The following MRC1 variants were observed in gnomAD, a reference collection of about 807,000 sequenced individuals.
MRC1 encodes mannose receptor C-type 1, also known as macrophage mannose receptor 1.
A neutral mutation model predicts 102.9 loss-of-function variants in MRC1; 62 were observed. The ratio of observed to expected loss-of-function variants is 0.60; its 90% CI spans 0.49 to 0.74. The LOEUF (loss-of-function observed/expected upper bound fraction) is 0.74, where lower values mean the gene tolerates loss of function less well. MRC1 is among the 30% of genes least tolerant of loss of function. The probability of loss-of-function intolerance (pLI) is 0.00; values close to 1 mark genes in which losing one functional copy is unlikely to be tolerated. For synonymous variants in MRC1, 457 were observed against 298.4 expected (o/e 1.53, Z -5.48); for missense variants, 1,237 against 862.8 (o/e 1.43, Z -5.43).
intron 1 of MRC1, among the ~76,000 whole-genome samples, chr10:17,818,091 G>A (rs967528296): frequency 3.3e-5 from 5 of 152,200 alleles, no homozygotes; most frequent in Admixed American, 1.3e-4. Flanking sequence ...ATAGATAAGT[G>A]TGTATTGAAA....
Position 17,845,328 on chromosome 10 carries a change from T to A in MRC1, c.956T>A (p.Leu319Gln), listed in dbSNP as rs1838810011. 2 of 780,726 alleles carry A rather than the reference T, an allele frequency of 2.6e-6. No homozygotes were observed. Among genetic ancestry groups the A allele is most frequent in the African/African-American group, 1.7e-5 (1 of 59,122 alleles). The allele number at this position is 780,726 out of a possible 1,614,324, so 48.4% of individuals were successfully genotyped here. The stretch of plus-strand genomic sequence containing the variant: ...GAACCTGGAAAAAGCTGTGTGTCAC[T>A]AAATCCTGGAAAAAATGCTAAATGG... ...SAEPGKSCVS[L>Q]NPGKNAKWEN... Residue 319 changes from leucine (L) to glutamine (Q), a missense_variant, in exon 6 of 30, where the codon CTA (leucine) becomes CAA (glutamine). Transcript: ENST00000569591.
intron 6 of MRC1, among the ~76,000 whole-genome samples, chr10:17,847,588 C>A (rs1838844506): frequency 6.6e-6 from 1 of 152,178 alleles, no homozygotes; most frequent in Non-Finnish European, 1.5e-5. Flanking sequence ...AACCTCAAAC[C>A]CTGTGAATTA....
At chr10:17,833,401 G>T (rs1395854551) in intron 3 of MRC1, among the ~76,000 whole-genome samples, 1 of 151,716 alleles carries the variant, frequency 6.6e-6, no homozygotes, top group Non-Finnish European at 1.5e-5. Flanking sequence ...CATGCCTGGA[G>T]TCCCAGCTAC....
At chr10:17,859,052 A>G (rs1411065020) in intron 9 of MRC1, among the ~76,000 whole-genome samples, 2 of 152,126 alleles carry the variant, frequency 1.3e-5, no homozygotes, top group Non-Finnish European at 2.9e-5. Flanking sequence ...CCAATTGACT[A>G]ATTTCCTATG....
chr10:17,840,638 T>C lies in MRC1; in HGVS notation c.803-55T>C, dbSNP rs1013950968. On this transcript the variant is annotated intron_variant, in intron 4 of 29. Transcript: ENST00000569591. ...ACTTAGTTCTGAATTTAATTTCAAC[T>C]GTTTTCTGAATGCCAAGTTCTTGTT... is the stretch of plus-strand genomic sequence containing the variant. 3.5e-4 allele frequency: 273 copies of C among 777,126 alleles called. 1 individual carries two copies. In the African/African-American group the frequency reaches 3.9e-3, roughly 11 times the overall value. The allele number at this position is 777,126 out of a possible 1,614,324, so 48.1% of individuals were successfully genotyped here.
intron 17 of MRC1, 98 bp downstream of exon 17, chr10:17,875,351 T>A: frequency 2.7e-6 from 2 of 749,450 alleles, no homozygotes; most frequent in Non-Finnish European, 4.9e-6. Context: ...TTTCTGAGAT[T>A]TTGGTACACC....
chr10:17,853,345 T>C (rs1219547163), intron 8 of MRC1, among the ~76,000 whole-genome samples: 1 of 152,130 alleles, frequency 6.6e-6, no homozygotes, highest in Non-Finnish European at 1.5e-5. Context: ...ACAGAAACTT[T>C]TGGGTCAAGG....
intron 1 of MRC1, among the ~76,000 whole-genome samples, chr10:17,811,154 A>C (rs1838215127): frequency 2.0e-5 from 3 of 152,204 alleles, no homozygotes; most frequent in Non-Finnish European, 4.4e-5. Context: ...CTCAACATTT[A>C]ATCGATTTGG....
chr10:17,838,531 C>T (rs1427936696), intron 4 of MRC1, among the ~76,000 whole-genome samples: 4 of 147,270 alleles, frequency 2.7e-5, no homozygotes, highest in Non-Finnish European at 4.4e-5. Context: ...TTTGGTACTG[C>T]CTGAAAAACA....
chr10:17,891,368 G>C (rs920446784), intron 22 of MRC1, among the ~76,000 whole-genome samples: 3 of 151,860 alleles, frequency 2.0e-5, no homozygotes, highest in South Asian at 2.1e-4. Context: ...GGGTTTCACT[G>C]TGTTAGGCAG....
intron 12 of MRC1, among the ~76,000 whole-genome samples, chr10:17,868,852 A>G (rs995328563): frequency 2.6e-5 from 4 of 152,226 alleles, no homozygotes; most frequent in Admixed American, 2.6e-4. Flanking sequence ...ATAGAAGGCG[A>G]TGTATTGGGC....
Position 17,877,962 on chromosome 10 carries a change from G to A in MRC1, c.2613G>A (p.Lys871=). ...GTTTATTGATCAGCTTGGATAAAAA[G>A]TTTGCGTAAGTAAATCAAGCTAAAA... The part of the protein sequence containing the change: ...FIGLLISLDK[K]FAWMDGSKVD... Residue 871 remains lysine (K), a synonymous_variant, in exon 18 of 30, where the codon AAG becomes AAA. Coordinates refer to ENST00000569591, the MANE Select transcript of MRC1 (RefSeq NM_002438.4). The A allele has an allele frequency of 1.1e-6, 1 of 872,144 alleles. No homozygotes were observed. Among genetic ancestry groups the A allele is most frequent in the South Asian group, 1.3e-5 (1 of 76,522 alleles). The allele number at this position is 872,144 out of a possible 1,614,324, so 54.0% of individuals were successfully genotyped here. A position where few individuals can be genotyped will look rare whatever the true frequency, so the allele number is the denominator to read the frequency against.
At chr10:17,871,563 T>C (rs1425058153) in intron 14 of MRC1, among the ~76,000 whole-genome samples, 1 of 152,216 alleles carries the variant, frequency 6.6e-6, no homozygotes, top group Non-Finnish European at 1.5e-5. Flanking sequence ...ATAAATTGTA[T>C]TGCTTTATCC....
intron 8 of MRC1, chr10:17,854,683 T>TTTTA (rs1484966407): frequency 7.6e-5 from 16 of 211,132 alleles, no homozygotes; most frequent in East Asian, 1.7e-4. Context: ...ACAGAAAACA[T>TTTTA]TTTATTTATT....
At chr10:17,881,889 G>A (rs1262937138) in intron 21 of MRC1, among the ~76,000 whole-genome samples, 1 of 105,332 alleles carries the variant, frequency 9.5e-6, no homozygotes, top group Non-Finnish European at 1.7e-5. Flanking sequence ...TCACTATGTT[G>A]CCCAGGCTGG....
rs908957552 is a variant in MRC1, at chr10:17,855,495, T to C, written c.1408-747T>C. 1.4e-3 allele frequency among the ~76,000 whole-genome samples: 177 copies of C among 127,682 alleles called. 2 individuals are homozygous for C. Among genetic ancestry groups the C allele is most frequent in the African/African-American group, 4.7e-3 (164 of 34,606 alleles). The allele number at this position is 127,682 out of a possible 152,430, so 83.8% of individuals were successfully genotyped here. ...CTGAGGCAGGAAAATGGTGTGAACCTGGGAGGTGGAGCTTGCAGTGAGCCA... is the reference window on the plus strand; with the variant it reads ...CTGAGGCAGGAAAATGGTGTGAACCCGGGAGGTGGAGCTTGCAGTGAGCCA... On this transcript the variant is annotated intron_variant, in intron 8 of 29. Transcript: ENST00000569591.
intron 29 of MRC1, 71 bp from the exon 30 acceptor site, chr10:17,910,144 G>A: frequency 1.3e-6 from 1 of 773,752 alleles, no homozygotes; most frequent in South Asian, 1.4e-5. Flanking sequence ...TTTTCAACAA[G>A]CGAAGTTCTG....
At chr10:17,830,059 T>C (rs1425510790) in intron 3 of MRC1, among the ~76,000 whole-genome samples, 1 of 151,590 alleles carries the variant, frequency 6.6e-6, no homozygotes, top group Non-Finnish European at 1.5e-5. Flanking sequence ...ATTTAATATC[T>C]TTCTTAAAGG....
At chr10:17,902,597 T>G (rs1301316340) in intron 26 of MRC1, among the ~76,000 whole-genome samples, 1 of 152,244 alleles carries the variant, frequency 6.6e-6, no homozygotes, top group Non-Finnish European at 1.5e-5. Context: ...ATAAAGTTTA[T>G]TTTAAGGGTA....
Sources: gnomAD v4.1 joint callset for allele counts (sites outside exome capture counted in the v4.1 genomes callset) on GRCh38, gnomAD v4.1.1 for gene constraint, MANE v1.5 for transcripts, NCBI Gene and HGNC (gene_info 2026-07-23, HGNC 2026-07-21) for gene names.